Variants in KLHL29 observed in about 807,000 individuals in gnomAD.
KLHL29 encodes kelch-like protein 29.
Under a neutral mutation model 80.4 loss-of-function variants are expected in KLHL29, and 21 were observed. That is an observed-to-expected ratio of 0.26 (90% CI 0.19 to 0.38). The LOEUF (loss-of-function observed/expected upper bound fraction) is 0.38, where lower values mean the gene tolerates loss of function less well. KLHL29 is among the 10% of genes least tolerant of loss of function. The pLI, the probability that KLHL29 is intolerant of heterozygous loss-of-function variation, is 1.00. For missense variants in KLHL29, 867 were observed against 1,223.9 expected (o/e 0.71, Z 4.35); for synonymous variants, 511 against 526.8 (o/e 0.97, Z 0.41).
chr2:23,691,804 G>A lies in KLHL29; in HGVS notation c.1210G>A (p.Ala404Thr), dbSNP rs937192766. ...TGSLVIDSANAKTLLEAASKF... is the reference protein window; with the variant it reads ...TGSLVIDSANTKTLLEAASKF... The stretch of plus-strand genomic sequence containing the variant: ...CTCCCTGGTCATCGACTCGGCCAAC[G>A]CCAAGACACTGCTGGAGGCGGCCAG... The change falls in exon 7 of 14, where the codon GCC becomes ACC. Residue 404 changes from alanine (A) to threonine (T), a missense_variant. Ala to Thr is a moderately conservative substitution (Grantham distance 58, BLOSUM62 0). Around this residue, in one of 2 missense-constraint regions of KLHL29, gnomAD observed 443 missense variants for 767.0 expected, o/e 0.58. Coordinates refer to ENST00000486442, the MANE Select transcript of KLHL29 (RefSeq NM_052920.2). The A allele has an allele frequency of 4.8e-5, 74 of 1,551,546 alleles. No homozygotes were observed. Among genetic ancestry groups the A allele is most frequent in the Non-Finnish European group, 5.8e-5 (67 of 1,147,018 alleles).
rs33951812 is a variant in KLHL29 at position 23,412,122 on chromosome 2, AGGG to A, written c.-154+26353_-154+26355del. Among the ~76,000 whole-genome samples, 13 of 118,722 alleles carry A rather than the reference AGGG, an allele frequency of 1.1e-4. No individual in the cohort carries two copies. The South Asian group carries it at 2.5e-3, about 23-fold the overall frequency. 77.9% of individuals were successfully genotyped at this position (118,722 alleles called of 152,430 possible). On this transcript the variant is annotated intron_variant, in intron 1 of 13. Transcript: ENST00000486442. ...ATGTTGCAAAAATGTGTGTGCGTGA[AGGG>A]GGGGGGGGGGCGGTGCGGTAGAGGT...
chr2:23,638,300 A>T (rs769399120), intron 3 of KLHL29, among the ~76,000 whole-genome samples: 1 of 152,136 alleles, frequency 6.6e-6, no homozygotes, highest in Non-Finnish European at 1.5e-5. Flanking sequence ...GCATTTTGTC[A>T]TCAAGAATTC....
At position 23,457,771 on chromosome 2, in the gene KLHL29, T is replaced by C. The variant is rs1467907022; in HGVS notation, c.-153-17789T>C. 2.0e-5 allele frequency among the ~76,000 whole-genome samples: 3 copies of C among 152,052 alleles called. No homozygotes were observed. Among genetic ancestry groups the C allele is most frequent in the Non-Finnish European group, 2.9e-5 (2 of 68,004 alleles). ...GCTCACACCTGTAATCCCAGCACTT[T>C]GGGAAGCCAAGGCAGGCAGATCACG... is the stretch of plus-strand genomic sequence containing the variant. On this transcript the variant is annotated intron_variant, in intron 1 of 13. Coordinates refer to ENST00000486442, the MANE Select transcript of KLHL29 (RefSeq NM_052920.2). The surrounding 1 kb of genome is among the most constrained non-coding windows in gnomAD (Gnocchi z 4.3).
intron 1 of KLHL29, among the ~76,000 whole-genome samples, chr2:23,422,309 T>G (rs1662839408): frequency 1.3e-5 from 2 of 151,856 alleles, no homozygotes; most frequent in African/African-American, 4.8e-5. Context: ...TGTGTTTCCT[T>G]ATGTGTGTAC....
At chr2:23,675,024 G>A (rs1221024872) in intron 5 of KLHL29, among the ~76,000 whole-genome samples, 1 of 152,066 alleles carries the variant, frequency 6.6e-6, no homozygotes, top group Non-Finnish European at 1.5e-5. Context: ...CTCCACCTCT[G>A]GCTCTGGCCA....
At chr2:23,697,649 G>A (rs1558447709) in intron 11 of KLHL29, 1 of 152,200 alleles carries the variant, frequency 6.6e-6, no homozygotes, top group Non-Finnish European at 1.5e-5. Context: ...AATGCTCATT[G>A]TGGGCTTTTA....
intron 3 of KLHL29, among the ~76,000 whole-genome samples, chr2:23,565,995 G>T (rs897701871): frequency 6.6e-6 from 1 of 152,234 alleles, no homozygotes; most frequent in Non-Finnish European, 1.5e-5. Flanking sequence ...CACCTTCCCA[G>T]GCAGGGGCCG....
intron 1 of KLHL29, among the ~76,000 whole-genome samples, chr2:23,386,792 C>A (rs149392948): frequency 0.035 from 5,270 of 152,076 alleles, 313 homozygotes; most frequent in African/African-American, 0.12. Flanking sequence ...GGCTGGGAGC[C>A]GGGGTAGGTC....
At chr2:23,648,280 G>T (rs999439618) in intron 5 of KLHL29, among the ~76,000 whole-genome samples, 1 of 152,124 alleles carries the variant, frequency 6.6e-6, no homozygotes, top group African/African-American at 2.4e-5. Flanking sequence ...ACTTCTTACA[G>T]TCATGAGGAT....
intron 2 of KLHL29, among the ~76,000 whole-genome samples, chr2:23,527,415 A>G (rs1190599364): frequency 6.6e-6 from 1 of 152,176 alleles, no homozygotes; most frequent in Non-Finnish European, 1.5e-5. Context: ...AAGCCCCGCC[A>G]TGCTGTCTGC....
At chr2:23,401,625 C>G (rs1450987685) in intron 1 of KLHL29, among the ~76,000 whole-genome samples, 1 of 152,172 alleles carries the variant, frequency 6.6e-6, no homozygotes, top group Non-Finnish European at 1.5e-5. Flanking sequence ...GTTATGCCCG[C>G]TCACATGTAG....
intron 2 of KLHL29, among the ~76,000 whole-genome samples, chr2:23,488,445 G>A (rs552360004): frequency 1.3e-5 from 2 of 152,304 alleles, no homozygotes; most frequent in African/African-American, 4.8e-5. Context: ...GGCCTTGGAG[G>A]GCTCTTGGCA....
rs181876009 is a variant in KLHL29 at position 23,585,283 on chromosome 2, G to A, written c.285+22802G>A. On this transcript the variant is annotated intron_variant, in intron 3 of 13. Coordinates refer to ENST00000486442, the MANE Select transcript of KLHL29 (RefSeq NM_052920.2). ...AGAAAGGAGATGGATTACAGGAGGT[G>A]GAATCCGTTACTGAAAGATTCTTGG... Among the ~76,000 whole-genome samples the A allele has an allele frequency of 1.6e-4, 24 of 152,332 alleles. No individual in the cohort carries two copies. The East Asian group carries it at 2.5e-3, about 16-fold the overall frequency.
At chr2:23,627,971 G>C (rs555509267) in intron 3 of KLHL29, among the ~76,000 whole-genome samples, 1 of 141,152 alleles carries the variant, frequency 7.1e-6, no homozygotes, top group South Asian at 2.3e-4. Flanking sequence ...GCAGTGGCAC[G>C]ATCTCGGCTC....
At position 23,577,256 on chromosome 2, in the gene KLHL29, C is replaced by G. The variant is rs139096347; in HGVS notation, c.285+14775C>G. On this transcript the variant is annotated intron_variant, in intron 3 of 13. Coordinates refer to ENST00000486442, the MANE Select transcript of KLHL29 (RefSeq NM_052920.2). ...CCTGAGGTCAGGAGTTCGAGACCAG[C>G]CTGGCCAACATGGTGAAACCCCCTT... 4.5e-3 allele frequency among the ~76,000 whole-genome samples: 689 copies of G among 152,326 alleles called. 5 individuals are homozygous for G. Among genetic ancestry groups the G allele is most frequent in the African/African-American group, 0.016 (653 of 41,572 alleles).
At chr2:23,643,083 G>T in intron 5 of KLHL29, 1 of 670,936 alleles carries the variant, frequency 1.5e-6, no homozygotes, top group Non-Finnish European at 2.7e-6. Context: ...GCCGGGGTAA[G>T]AAGAGGAAGG....
At chr2:23,601,171 C>T (rs1431093244) in intron 3 of KLHL29, among the ~76,000 whole-genome samples, 1 of 152,170 alleles carries the variant, frequency 6.6e-6, no homozygotes, top group Non-Finnish European at 1.5e-5. Context: ...AACACTCACG[C>T]TCCAAGACCG....
intron 3 of KLHL29, among the ~76,000 whole-genome samples, chr2:23,566,964 GT>G (rs1403426995): frequency 1.3e-4 from 20 of 152,190 alleles, no homozygotes; most frequent in African/African-American, 4.6e-4. Context: ...GCATTGGCCT[GT>G]CCCCATCCCC....
chr2:23,663,099 T>C (rs550607971), intron 5 of KLHL29, among the ~76,000 whole-genome samples: 1 of 152,132 alleles, frequency 6.6e-6, no homozygotes, highest in African/African-American at 2.4e-5. Flanking sequence ...CGTTTCAAAG[T>C]GCTGGGCTTC....
Sources: gnomAD v4.1 joint callset for allele counts (sites outside exome capture counted in the v4.1 genomes callset) on GRCh38, gnomAD v4.1.1 for gene constraint, gnomAD v4.1.1 regional missense constraint, Gnocchi (gnomAD v3.1) non-coding constraint, MANE v1.5 for transcripts, NCBI Gene and HGNC (gene_info 2026-07-23, HGNC 2026-07-21) for gene names.